Variants in HSD17B2 observed in about 807,000 individuals in gnomAD.
The protein encoded by HSD17B2 is hydroxysteroid 17-beta dehydrogenase 2.
HSD17B2 carries 32 observed loss-of-function variants against 26.9 expected under a neutral mutation model. The ratio of observed to expected loss-of-function variants is 1.19; its 90% CI spans 0.90 to 1.60. The LOEUF is 1.60. Ranked by LOEUF, HSD17B2 falls within the 40% of genes most tolerant of loss-of-function variation. The pLI, the probability that HSD17B2 is intolerant of heterozygous loss-of-function variation, is 0.00. For synonymous variants in HSD17B2, 246 were observed against 186.7 expected (o/e 1.32, Z -2.59); for missense variants, 613 against 468.6 (o/e 1.31, Z -2.85).
Position 82,065,455 on chromosome 16 carries a change from TA to T in HSD17B2, c.266-2714del, listed in dbSNP as rs148982357. Among the ~76,000 whole-genome samples, 1,065 of 152,276 alleles carry T rather than the reference TA, an allele frequency of 7.0e-3. 17 individuals are homozygous for T. Among genetic ancestry groups the T allele is most frequent in the South Asian group, 0.068 (328 of 4,826 alleles). On this transcript the variant is annotated intron_variant, in intron 1 of 4. Transcript: ENST00000199936. ...GGCATCCTGATATCACACAAGCCTC[TA>T]GGGGGAACTGGGGGCTTTAAAATCC...
intron 1 of HSD17B2, among the ~76,000 whole-genome samples, chr16:82,060,340 G>C (rs748609472): frequency 1.1e-4 from 17 of 152,190 alleles, no homozygotes; most frequent in Non-Finnish European, 2.5e-4. Context: ...AGGGTAGGCT[G>C]CATTACTGAG....
intron 1 of HSD17B2, among the ~76,000 whole-genome samples, chr16:82,061,601 A>G (rs989618407): frequency 1.3e-5 from 2 of 152,260 alleles, no homozygotes; most frequent in Non-Finnish European, 2.9e-5. Context: ...ATGTAGAAAT[A>G]TGTAAAACCA....
chr16:82,060,771 T>A lies in HSD17B2; in HGVS notation c.266-7399T>A, dbSNP rs8191114. ...AAGCTGCTGGTAGTTGAAGACATCA[T>A]TGGCAAAGGGAGCACTCGGAGGAGC... is the stretch of plus-strand genomic sequence containing the variant. On this transcript the variant is annotated intron_variant, in intron 1 of 4. Coordinates refer to ENST00000199936, the MANE Select transcript of HSD17B2 (RefSeq NM_002153.3). Among the ~76,000 whole-genome samples, 11 of 152,260 alleles carry A rather than the reference T, an allele frequency of 7.2e-5. No homozygotes were observed. In the South Asian group the frequency reaches 2.3e-3, roughly 32 times the overall value.
chr16:82,086,635 G>A (rs1904535023), intron 3 of HSD17B2, among the ~76,000 whole-genome samples: 2 of 152,202 alleles, frequency 1.3e-5, no homozygotes, highest in African/African-American at 4.8e-5. Context: ...CCTATGCTAA[G>A]TAAGGATAGA....
At chr16:82,050,170 T>C (rs1914063421) in intron 1 of HSD17B2, among the ~76,000 whole-genome samples, 1 of 152,212 alleles carries the variant, frequency 6.6e-6, no homozygotes, top group South Asian at 2.1e-4. Flanking sequence ...CCACTGGATG[T>C]CTTGCGCTTT....
intron 3 of HSD17B2, among the ~76,000 whole-genome samples, chr16:82,084,789 G>C (rs545317423): frequency 6.6e-6 from 1 of 152,338 alleles, no homozygotes; most frequent in East Asian, 1.9e-4. Context: ...TTGGAGTGCA[G>C]TGGCACGATA....
At chr16:82,096,131 G>A (rs147789239) in intron 4 of HSD17B2, 3 of 151,892 alleles carry the variant, frequency 2.0e-5, no homozygotes, top group Admixed American at 6.6e-5. Context: ...AAATTTATGT[G>A]TGAATTATAT....
intron 3 of HSD17B2, among the ~76,000 whole-genome samples, chr16:82,082,856 C>T (rs532919765): frequency 1.3e-5 from 2 of 152,288 alleles, no homozygotes; most frequent in East Asian, 1.9e-4. Context: ...TGTTGCTATT[C>T]TCATTTTTCA....
intron 1 of HSD17B2, among the ~76,000 whole-genome samples, chr16:82,039,589 T>A (rs527482990): frequency 6.6e-4 from 100 of 152,224 alleles, no homozygotes; most frequent in African/African-American, 2.4e-3. Context: ...AGCGATGGGA[T>A]CAAAATTCCT....
At chr16:82,056,143 T>C (rs564136964) in intron 1 of HSD17B2, among the ~76,000 whole-genome samples, 1 of 152,330 alleles carries the variant, frequency 6.6e-6, no homozygotes, top group Non-Finnish European at 1.5e-5. Flanking sequence ...TTGGCAAGAA[T>C]GACATCCTGT....
intron 3 of HSD17B2, among the ~76,000 whole-genome samples, chr16:82,082,831 C>T (rs1904419985): frequency 1.3e-5 from 2 of 152,160 alleles, no homozygotes; most frequent in Non-Finnish European, 1.5e-5. Context: ...TATATGACCC[C>T]AATAACCTAT....
At chr16:82,076,722 G>A (rs1211731866) in intron 3 of HSD17B2, among the ~76,000 whole-genome samples, 1 of 152,086 alleles carries the variant, frequency 6.6e-6, no homozygotes, top group African/African-American at 2.4e-5. Flanking sequence ...CTACAGGTGT[G>A]CGCCACCATG....
chr16:82,086,393 A>C (rs914566624), intron 3 of HSD17B2, among the ~76,000 whole-genome samples: 5 of 152,182 alleles, frequency 3.3e-5, no homozygotes, highest in Non-Finnish European at 5.9e-5. Context: ...GGGTCTTCAC[A>C]ATTCTTTTGT....
At chr16:82,046,414 T>G (rs1432183322) in intron 1 of HSD17B2, among the ~76,000 whole-genome samples, 1 of 152,106 alleles carries the variant, frequency 6.6e-6, no homozygotes, top group Non-Finnish European at 1.5e-5. Flanking sequence ...ACAAACGCCT[T>G]ATAAGATAAT....
chr16:82,067,681 G>C (rs1485398030), intron 1 of HSD17B2, among the ~76,000 whole-genome samples: 1 of 152,184 alleles, frequency 6.6e-6, no homozygotes. Context: ...TTATAATCCA[G>C]CATGAACTGG....
At chr16:82,060,576 A>C (rs958553523) in intron 1 of HSD17B2, among the ~76,000 whole-genome samples, 1 of 152,196 alleles carries the variant, frequency 6.6e-6, no homozygotes, top group Admixed American at 6.5e-5. Context: ...AATTTTTGCA[A>C]AATTCATTGT....
At chr16:82,049,109 T>C (rs1418098682) in intron 1 of HSD17B2, among the ~76,000 whole-genome samples, 1 of 152,250 alleles carries the variant, frequency 6.6e-6, no homozygotes, top group Non-Finnish European at 1.5e-5. Context: ...CAGCATTCTC[T>C]GTGACTATTT....
At chr16:82,083,440 G>A (rs1904435329) in intron 3 of HSD17B2, among the ~76,000 whole-genome samples, 1 of 152,112 alleles carries the variant, frequency 6.6e-6, no homozygotes, top group South Asian at 2.1e-4. Flanking sequence ...CGTGACCTTG[G>A]GAACAGTTCT....
intron 2 of HSD17B2, among the ~76,000 whole-genome samples, chr16:82,068,861 C>T (rs1182294492): frequency 6.6e-6 from 1 of 152,212 alleles, no homozygotes; most frequent in Non-Finnish European, 1.5e-5. Context: ...GCCTCCCTAA[C>T]TGATCTGGCA....
Sources: gnomAD v4.1 joint callset for allele counts (sites outside exome capture counted in the v4.1 genomes callset) on GRCh38, gnomAD v4.1.1 for gene constraint, MANE v1.5 for transcripts, NCBI Gene and HGNC (gene_info 2026-07-23, HGNC 2026-07-21) for gene names.